The following PTPRT variants were observed in gnomAD, a reference collection of about 807,000 sequenced individuals.
PTPRT encodes the protein receptor-type tyrosine-protein phosphatase T.
Under a neutral mutation model 176.8 loss-of-function variants are expected in PTPRT, and 56 were observed. That is an observed-to-expected ratio of 0.32 (90% CI 0.26 to 0.40). The LOEUF (loss-of-function observed/expected upper bound fraction) is 0.40, where lower values mean the gene tolerates loss of function less well. PTPRT is among the 10% of genes least tolerant of loss of function. The probability of loss-of-function intolerance (pLI) is 1.00; values close to 1 mark genes in which losing one functional copy is unlikely to be tolerated. For missense variants in PTPRT, 1,540 were observed against 1,908.2 expected (o/e 0.81, Z 3.60); for synonymous variants, 783 against 739.0 (o/e 1.06, Z -0.96).
intron 1 of PTPRT, among the ~76,000 whole-genome samples, chr20:43,040,277 G>A (rs1986551707): frequency 6.6e-6 from 1 of 152,160 alleles, no homozygotes; most frequent in Admixed American, 6.5e-5. Context: ...GCTGGGAATG[G>A]AAGATAAAAA....
chr20:43,086,822 C>G (rs763247549), intron 1 of PTPRT, among the ~76,000 whole-genome samples: 16 of 152,114 alleles, frequency 1.1e-4, no homozygotes, highest in Non-Finnish European at 1.3e-4. Flanking sequence ...AATTGCTCTT[C>G]TAATAGTAAA....
intron 7 of PTPRT, among the ~76,000 whole-genome samples, chr20:42,598,856 C>G (rs1422721882): frequency 6.6e-6 from 1 of 152,178 alleles, no homozygotes; most frequent in Non-Finnish European, 1.5e-5. Context: ...GATGGCAGCA[C>G]CCCTCGTTCA....
chr20:43,070,840 G>C (rs1321515098), intron 1 of PTPRT, among the ~76,000 whole-genome samples: 1 of 151,252 alleles, frequency 6.6e-6, no homozygotes, highest in Non-Finnish European at 1.5e-5. Flanking sequence ...TGGGGGGAAG[G>C]AAAGCATTAG....
chr20:42,149,086 A>G (rs1468218383), intron 17 of PTPRT, among the ~76,000 whole-genome samples: 1 of 152,172 alleles, frequency 6.6e-6, no homozygotes, highest in African/African-American at 2.4e-5. Context: ...CAAGTGATAA[A>G]CCCAACTTGT....
At chr20:42,067,455 CATGG>C in the PTPRT span, among the ~76,000 whole-genome samples, 1 of 132,952 alleles carries the variant, frequency 7.5e-6, no homozygotes, top group Non-Finnish European at 1.6e-5. Flanking sequence ...ACTCTGCATG[CATGG>C]ATCCCAGATC....
At chr20:42,860,923 T>C (rs2078649696) in intron 2 of PTPRT, among the ~76,000 whole-genome samples, 1 of 152,200 alleles carries the variant, frequency 6.6e-6, no homozygotes, top group Non-Finnish European at 1.5e-5. Flanking sequence ...TATCAGTTGT[T>C]AGTTTGGAAT....
chr20:42,535,550 C>G (rs966585222), intron 7 of PTPRT, among the ~76,000 whole-genome samples: 2 of 152,134 alleles, frequency 1.3e-5, no homozygotes, highest in African/African-American at 4.8e-5. Context: ...ATATCTAAAG[C>G]ATTACTTCTA....
At chr20:42,939,681 A>C (rs1445704931) in intron 1 of PTPRT, among the ~76,000 whole-genome samples, 1 of 151,666 alleles carries the variant, frequency 6.6e-6, no homozygotes, top group East Asian at 1.9e-4. Flanking sequence ...TGACTCAAAC[A>C]AGGTTTTTCT....
At chr20:43,027,427 G>A (rs1343833601) in intron 1 of PTPRT, among the ~76,000 whole-genome samples, 1 of 150,128 alleles carries the variant, frequency 6.7e-6, no homozygotes, top group Non-Finnish European at 1.5e-5. Flanking sequence ...AGTGAGCCAA[G>A]ATCGTGCCAC....
At chr20:42,317,179 G>C (rs1475192737) in intron 11 of PTPRT, among the ~76,000 whole-genome samples, 1 of 152,180 alleles carries the variant, frequency 6.6e-6, no homozygotes, top group African/African-American at 2.4e-5. Flanking sequence ...GATAAACAGC[G>C]ATTGCCTTGA....
chr20:42,534,807 T>C lies in PTPRT; in HGVS notation c.1154-62245A>G, dbSNP rs115175135. ...CTGACTGGCTGCCACTTGATCACTC[T>C]GCTCGATTGCTCCCTCTGTAAAATG... On this transcript the variant is annotated intron_variant, in intron 7 of 30. Coordinates refer to ENST00000373187, the MANE Select transcript of PTPRT (RefSeq NM_007050.6). 2.9e-3 allele frequency among the ~76,000 whole-genome samples: 446 copies of C among 152,276 alleles called. 5 individuals carry two copies. Among genetic ancestry groups the C allele is most frequent in the African/African-American group, 9.7e-3 (403 of 41,564 alleles).
chr20:42,865,044 T>G (rs2078722786), intron 2 of PTPRT, among the ~76,000 whole-genome samples: 1 of 152,232 alleles, frequency 6.6e-6, no homozygotes, highest in Admixed American at 6.5e-5. Flanking sequence ...AGGCCCCATC[T>G]GCTCCATGCT....
At chr20:42,170,065 T>C (rs1600626055) in intron 16 of PTPRT, among the ~76,000 whole-genome samples, 2 of 152,344 alleles carry the variant, frequency 1.3e-5, no homozygotes, top group South Asian at 4.1e-4. Flanking sequence ...GGCCCGTCTC[T>C]GCCACCAGAC....
intron 7 of PTPRT, among the ~76,000 whole-genome samples, chr20:42,620,806 C>A (rs930935233): frequency 6.6e-6 from 1 of 152,168 alleles, no homozygotes; most frequent in African/African-American, 2.4e-5. Context: ...GGCTTGCGCA[C>A]GGTGCGCGCA....
At chr20:43,076,016 T>C (rs1282534521) in intron 1 of PTPRT, among the ~76,000 whole-genome samples, 1 of 152,234 alleles carries the variant, frequency 6.6e-6, no homozygotes, top group Non-Finnish European at 1.5e-5. Flanking sequence ...ATCAAATTTT[T>C]CTAAACATGC....
At chr20:42,654,958 C>G (rs958489828) in intron 7 of PTPRT, among the ~76,000 whole-genome samples, 1 of 152,204 alleles carries the variant, frequency 6.6e-6, no homozygotes, top group Admixed American at 6.5e-5. Flanking sequence ...TTTAAATTCA[C>G]TTTCCCATTT....
intron 3 of PTPRT, among the ~76,000 whole-genome samples, chr20:42,785,712 G>A (rs2077279293): frequency 6.6e-6 from 1 of 152,234 alleles, no homozygotes; most frequent in Non-Finnish European, 1.5e-5. Flanking sequence ...TCTCCCAGAT[G>A]AGGCTACTTA....
chr20:42,946,241 G>A (rs911963945), intron 1 of PTPRT, among the ~76,000 whole-genome samples: 4 of 152,144 alleles, frequency 2.6e-5, no homozygotes, highest in African/African-American at 9.7e-5. Flanking sequence ...TCCCTGGGGG[G>A]AACTTGCCCC....
chr20:42,725,303 C>T (rs1344551124), intron 6 of PTPRT, among the ~76,000 whole-genome samples: 2 of 151,808 alleles, frequency 1.3e-5, no homozygotes, highest in Middle Eastern at 3.2e-3. Context: ...AAAAAACCTT[C>T]CTCAATAAAC....
Sources: gnomAD v4.1 joint callset for allele counts (sites outside exome capture counted in the v4.1 genomes callset) on GRCh38, gnomAD v4.1.1 for gene constraint, MANE v1.5 for transcripts, NCBI Gene and HGNC (gene_info 2026-07-23, HGNC 2026-07-21) for gene names.